The following CMIP variants were observed in gnomAD, a reference collection of about 807,000 sequenced individuals.
CMIP encodes c-Maf inducing protein.
CMIP carries 13 observed loss-of-function variants against 97.3 expected under a neutral mutation model. That is an observed-to-expected ratio of 0.13 (90% confidence interval 0.09 to 0.21). The LOEUF (loss-of-function observed/expected upper bound fraction) is 0.21, where lower values mean the gene tolerates loss of function less well. CMIP is among the 10% of genes least tolerant of loss of function. CMIP has a pLI of 1.00. For missense variants in CMIP, 847 were observed against 1,024.9 expected, an observed-to-expected ratio of 0.83 and a Z score of 2.37; for synonymous variants, 538 against 436.3, an observed-to-expected ratio of 1.23 and a Z score of -2.91.
At chr16:81,626,205 G>A (rs1284803934) in intron 3 of CMIP, among the ~76,000 whole-genome samples, 4 of 152,188 alleles carry the variant, frequency 2.6e-5, no homozygotes, top group Admixed American at 2.6e-4. Flanking sequence ...GTGTGAGAGT[G>A]AGTGTGTGTG....
chr16:81,563,380 C>T (rs988321400), intron 1 of CMIP, among the ~76,000 whole-genome samples: 39 of 152,196 alleles, frequency 2.6e-4, no homozygotes, highest in Non-Finnish European at 3.8e-4. Flanking sequence ...ACAAACTCTG[C>T]GCGCTGCTGC....
At chr16:81,680,542 G>T (rs1012589462) in intron 10 of CMIP, among the ~76,000 whole-genome samples, 1 of 152,224 alleles carries the variant, frequency 6.6e-6, no homozygotes, top group African/African-American at 2.4e-5. Context: ...GTGCCCAGGG[G>T]TTCAGGACCA....
rs1056713723 is a variant in CMIP at position 81,649,356 on chromosome 16, C to T, written c.478-2847C>T. On this transcript the variant is annotated intron_variant, in intron 3 of 20. Coordinates refer to ENST00000537098, the MANE Select transcript of CMIP (RefSeq NM_198390.3). Reference sequence around the variant, plus strand: ...GAGCTGAGGCTGGGTGTACCGACCCCGAGGGCTCGTGTCTGAAACTGCGTT... The same window carrying T: ...GAGCTGAGGCTGGGTGTACCGACCCTGAGGGCTCGTGTCTGAAACTGCGTT... Among the ~76,000 whole-genome samples the T allele has an allele frequency of 1.1e-4, 17 of 152,360 alleles. 1 individual carries two copies. The highest frequency in any genetic ancestry group is 4.1e-4 in the South Asian group (2 of 4,832).
chr16:81,467,227 A>G (rs570000347), intron 1 of CMIP, among the ~76,000 whole-genome samples: 16 of 152,358 alleles, frequency 1.1e-4, no homozygotes, highest in African/African-American at 3.8e-4. Flanking sequence ...ACCTGGGCAC[A>G]TCCCGCAACC....
At chr16:81,460,761 G>A (rs750591978) in intron 1 of CMIP, among the ~76,000 whole-genome samples, 2 of 152,282 alleles carry the variant, frequency 1.3e-5, no homozygotes, top group South Asian at 2.1e-4. Flanking sequence ...CATGCTGAAC[G>A]TGGGAGAAAC....
intron 1 of CMIP, among the ~76,000 whole-genome samples, chr16:81,601,090 C>T (rs1173367786): frequency 6.6e-6 from 1 of 152,196 alleles, no homozygotes; most frequent in African/African-American, 2.4e-5. Flanking sequence ...AGCACATCCA[C>T]CCAGCTGTCA....
rs951940435 is a variant in CMIP at position 81,655,092 on chromosome 16, A to G, written c.640-2683A>G. Among the ~76,000 whole-genome samples, 2 of 152,162 alleles carry G rather than the reference A, an allele frequency of 1.3e-5. No individual in the cohort carries two copies. The highest frequency in any genetic ancestry group is 4.8e-5 in the African/African-American group (2 of 41,444). The stretch of plus-strand genomic sequence containing the variant: ...TGTGCCTAACTTGCAAGGGCCTTTG[A>G]TACATGGCCACATTTTCATTGTCAT... On this transcript the variant is annotated intron_variant, in intron 4 of 20. Coordinates refer to ENST00000537098, the MANE Select transcript of CMIP (RefSeq NM_198390.3). This position sits in a 1 kb window ranked among gnomAD's most constrained non-coding sequence, Gnocchi z 4.9.
At chr16:81,573,785 CGTGTATTT>C (rs533210481) in intron 1 of CMIP, among the ~76,000 whole-genome samples, 49 of 152,220 alleles carry the variant, frequency 3.2e-4, no homozygotes, top group South Asian at 1.9e-3. Flanking sequence ...TAATGTGTAA[CGTGTATTT>C]GTGCCAGTTA....
chr16:81,467,013 A>G lies in CMIP; in HGVS notation c.300+21472A>G, dbSNP rs111546330. Among the ~76,000 whole-genome samples, 137 of 152,370 alleles carry G rather than the reference A, an allele frequency of 9.0e-4. 1 individual carries two copies. The highest frequency in any genetic ancestry group is 3.3e-3 in the African/African-American group (136 of 41,584). ...GACCAGAACATACAGGAAAATAAAC[A>G]GAAACCCCCAAACTGCCCTTTGAAG... On this transcript the variant is annotated intron_variant, in intron 1 of 20. Transcript: ENST00000537098.
In CMIP at chr16:81,664,318, C is replaced by A; in HGVS notation, c.794C>A (p.Pro265His). ...ATGGTGGTCATCGAGGTGTTCACCC[C>A]CGTGGTGCAGCGAATCCTCAAGCAT... ...RSMVVIEVFT[P>H]VVQRILKHNM... Residue 265 changes from proline to histidine, a missense_variant, in exon 7 of 21, where the codon CCC becomes CAC. Physicochemically the swap from Pro to His is moderately conservative, Grantham distance 77. Transcript: ENST00000537098. 6.2e-7 allele frequency: 1 copy of A among 1,600,596 alleles called. No homozygotes were observed. Among genetic ancestry groups the A allele is most frequent in the Non-Finnish European group, 8.5e-7 (1 of 1,174,226 alleles).
chr16:81,482,636 GAGCTTCCCTTTC>G, intron 1 of CMIP, among the ~76,000 whole-genome samples: 1 of 152,304 alleles, frequency 6.6e-6, no homozygotes, highest in East Asian at 1.9e-4. Flanking sequence ...CCCCACCTAG[GAGCTTCCCTTTC>G]ACAGTGACAG....
chr16:81,698,765 C>T (rs1054957182), intron 14 of CMIP, among the ~76,000 whole-genome samples: 15 of 152,174 alleles, frequency 9.9e-5, no homozygotes, highest in African/African-American at 3.6e-4. Flanking sequence ...ACTGACTCCC[C>T]CTTCCTCCCG....
intron 1 of CMIP, among the ~76,000 whole-genome samples, chr16:81,513,226 G>T (rs780605260): frequency 1.2e-4 from 18 of 152,232 alleles, no homozygotes; most frequent in Non-Finnish European, 1.9e-4. Flanking sequence ...AGCGGGGCCT[G>T]CCTGCATCCG....
intron 1 of CMIP, among the ~76,000 whole-genome samples, chr16:81,446,508 C>T (rs1359573756): frequency 2.0e-5 from 3 of 152,022 alleles, no homozygotes; most frequent in Non-Finnish European, 4.4e-5. Context: ...CAAATACCGG[C>T]TGTGGCTTGG....
At chr16:81,574,118 C>T (rs961173783) in intron 1 of CMIP, among the ~76,000 whole-genome samples, 2 of 152,240 alleles carry the variant, frequency 1.3e-5, no homozygotes, top group African/African-American at 4.8e-5. Flanking sequence ...GCTCAGTAGC[C>T]ACCTGTGGCC....
At chr16:81,526,946 G>C (rs543669769) in intron 1 of CMIP, among the ~76,000 whole-genome samples, 15 of 152,340 alleles carry the variant, frequency 9.8e-5, no homozygotes, top group African/African-American at 3.6e-4. Flanking sequence ...GATGGCTTTG[G>C]ACATGTTTTG....
intron 1 of CMIP, among the ~76,000 whole-genome samples, chr16:81,497,323 A>G (rs57147144): frequency 0.055 from 8,416 of 152,260 alleles, 254 homozygotes; most frequent in South Asian, 0.11. Flanking sequence ...CTCTCCACCA[A>G]TAACCCCTCA....
At chr16:81,540,951 A>C (rs1386179489) in intron 1 of CMIP, among the ~76,000 whole-genome samples, 1 of 148,302 alleles carries the variant, frequency 6.7e-6, no homozygotes, top group Non-Finnish European at 1.5e-5. Flanking sequence ...AAGTGCTGGG[A>C]TTACAGGTGT....
intron 1 of CMIP, among the ~76,000 whole-genome samples, chr16:81,512,478 C>T (rs2089832998): frequency 6.6e-6 from 1 of 152,182 alleles, no homozygotes. Flanking sequence ...TTTCCTTCCT[C>T]ATTTGTCAGA....
Sources: gnomAD v4.1 joint callset for allele counts (sites outside exome capture counted in the v4.1 genomes callset) on GRCh38, gnomAD v4.1.1 for gene constraint, Gnocchi (gnomAD v3.1) non-coding constraint, MANE v1.5 for transcripts, NCBI Gene and HGNC (gene_info 2026-07-23, HGNC 2026-07-21) for gene names.